RAD23B: variants seen among roughly 807,000 people sequenced by gnomAD.
RAD23B encodes the protein lysine-specific demethylase RAD23B.
Under a neutral mutation model 49.1 loss-of-function variants are expected in RAD23B, and 5 were observed. The observed-to-expected ratio is 0.10, with a 90% confidence interval of 0.05 to 0.21. RAD23B has a LOEUF of 0.21. Ranked by LOEUF, RAD23B falls within the 10% of genes least tolerant of loss-of-function variation. The pLI is 1.00. For missense variants in RAD23B, 356 were observed against 486.7 expected (o/e 0.73, Z 2.53); for synonymous variants, 184 against 165.4 (o/e 1.11, Z -0.86).
At chr9:107,322,364 T>C (rs574393903) in intron 7 of RAD23B, among the ~76,000 whole-genome samples, 6 of 152,344 alleles carry the variant, frequency 3.9e-5, no homozygotes, top group Non-Finnish European at 8.8e-5. Context: ...GTTTTATTTG[T>C]TTTAAGGAAA....
At chr9:107,287,074 CAAAAA>C (rs1227654857) in intron 1 of RAD23B, among the ~76,000 whole-genome samples, 2 of 94,240 alleles carry the variant, frequency 2.1e-5, no homozygotes, top group Non-Finnish European at 2.2e-5. Context: ...GACTCCGTCT[CAAAAA>C]AAAAAAAAAA....
In RAD23B at chr9:107,319,862, G is replaced by C. The variant is rs1827074671; in HGVS notation, c.681+983G>C. Among the ~76,000 whole-genome samples the C allele has an allele frequency of 2.0e-5, 3 of 152,290 alleles. No homozygotes were observed. In the South Asian group the frequency reaches 6.2e-4, roughly 32 times the overall value. On this transcript the variant is annotated intron_variant, in intron 6 of 9. Transcript: ENST00000358015. Reference sequence around the variant, plus strand: ...CTGCTAGTTTTACAGATGTGACACAGGCTAAAGTAATTGAATTAAGTTTTT... The same window carrying C: ...CTGCTAGTTTTACAGATGTGACACACGCTAAAGTAATTGAATTAAGTTTTT...
intron 1 of RAD23B, 136 bp downstream of exon 1, chr9:107,283,831 C>T (rs1033536837): frequency 1.2e-4 from 113 of 947,746 alleles, no homozygotes; most frequent in Non-Finnish European, 1.4e-4. Flanking sequence ...CTGGTGCCGG[C>T]CCTGGCGGCG....
At position 107,306,519 on chromosome 9, in the gene RAD23B, T is replaced by C. The variant is rs766993636; in HGVS notation, c.369T>C (p.Pro123=). 2 of 1,614,084 alleles carry C rather than the reference T, an allele frequency of 1.2e-6. No homozygotes were observed. Among genetic ancestry groups the C allele is most frequent in the Non-Finnish European group, 1.7e-6 (2 of 1,180,006 alleles). Residue 123 remains proline (P), a synonymous_variant, in exon 4 of 10, where the codon CCT becomes CCC. Coordinates refer to ENST00000358015, the MANE Select transcript of RAD23B (RefSeq NM_002874.5). ...CTGCCTTGGCCCCCACTTCCACACC[T>C]GCATCCATCACTCCAGCATCAGCGA... ...PVPALAPTST[P]ASITPASATA... is the part of the protein sequence containing the mutation.
intron 4 of RAD23B, among the ~76,000 whole-genome samples, chr9:107,309,249 C>A (rs1826842783): frequency 6.6e-6 from 1 of 152,134 alleles, no homozygotes; most frequent in African/African-American, 2.4e-5. Flanking sequence ...AACAAGCCCT[C>A]CTGGTGAATA....
intron 7 of RAD23B, 64 bp downstream of exon 7, chr9:107,322,182 C>T (rs1467338925): frequency 1.4e-6 from 2 of 1,471,268 alleles, no homozygotes; most frequent in African/African-American, 1.4e-5. Flanking sequence ...AATAATTTAA[C>T]CTGAAATACT....
chr9:107,325,084 G>A (rs749876451), intron 9 of RAD23B, 80 bp downstream of exon 9: 13 of 1,380,146 alleles, frequency 9.4e-6, no homozygotes, highest in Non-Finnish European at 1.3e-5. Context: ...GGAGGCCAAG[G>A]CAGGTGGATC....
chr9:107,303,692 C>CT (rs1826704704), intron 3 of RAD23B, among the ~76,000 whole-genome samples: 1 of 152,128 alleles, frequency 6.6e-6, no homozygotes. Context: ...GTTCATCTGT[C>CT]TATGTTATAG....
At chr9:107,286,778 A>G (rs1408639570) in intron 1 of RAD23B, among the ~76,000 whole-genome samples, 1 of 152,190 alleles carries the variant, frequency 6.6e-6, no homozygotes, top group African/African-American at 2.4e-5. Flanking sequence ...ATTCTTAAAA[A>G]TTCTGAAGTT....
intron 5 of RAD23B, among the ~76,000 whole-genome samples, chr9:107,316,102 G>A (rs1042452655): frequency 5.3e-5 from 8 of 151,174 alleles, no homozygotes; most frequent in Admixed American, 1.3e-4. Context: ...CTCCGCCTCC[G>A]GGGTTCAAGC....
chr9:107,302,224 A>G, intron 3 of RAD23B, 110 bp downstream of exon 3: 1 of 1,369,808 alleles, frequency 7.3e-7, no homozygotes. Flanking sequence ...AGTGGTGTAC[A>G]CTTAACTACT....
chr9:107,306,911 A>AT (rs71368010), intron 4 of RAD23B, among the ~76,000 whole-genome samples: 10 of 132,142 alleles, frequency 7.6e-5, no homozygotes, highest in Admixed American at 1.5e-4. Flanking sequence ...GGTGAAAGTC[A>AT]TTTTTTTTTT....
intron 5 of RAD23B, among the ~76,000 whole-genome samples, chr9:107,315,995 A>G (rs1327373530): frequency 4.0e-5 from 6 of 151,658 alleles, no homozygotes; most frequent in Non-Finnish European, 8.8e-5. Flanking sequence ...TCTCTGCACC[A>G]TGACTTAATA....
intron 5 of RAD23B, among the ~76,000 whole-genome samples, chr9:107,315,442 G>A (rs34593991): frequency 0.092 from 14,013 of 152,156 alleles, 835 homozygotes; most frequent in South Asian, 0.15. Context: ...CATATATAAG[G>A]TTCTTCATCA....
chr9:107,329,704 CTTG>C lies in RAD23B; in HGVS notation c.*51_*53del. On this transcript the variant is annotated 3_prime_UTR_variant, in exon 10 of 10. Coordinates refer to ENST00000358015, the MANE Select transcript of RAD23B (RefSeq NM_002874.5). Reference sequence around the variant, plus strand: ...ACTTCACACCAGTGCATTACACTAACTTGTTCACTGGATTGTCTGGGATGACTT... The same window carrying C: ...ACTTCACACCAGTGCATTACACTAACTTCACTGGATTGTCTGGGATGACTT... 1 of 1,096,090 alleles carries C rather than the reference CTTG, an allele frequency of 9.1e-7. No homozygotes were observed. Among genetic ancestry groups the C allele is most frequent in the South Asian group, 1.3e-5 (1 of 79,914 alleles). The allele number at this position is 1,096,090 out of a possible 1,614,324, so 67.9% of individuals were successfully genotyped here. A position where few individuals can be genotyped will look rare whatever the true frequency, so the allele number is the denominator to read the frequency against.
intron 4 of RAD23B, among the ~76,000 whole-genome samples, chr9:107,307,671 T>G (rs1826805568): frequency 6.6e-6 from 1 of 152,178 alleles, no homozygotes; most frequent in African/African-American, 2.4e-5. Context: ...TTGTGATCCT[T>G]CATTTTAGTG....
At chr9:107,284,851 G>T in intron 1 of RAD23B, 2 of 1,232,322 alleles carry the variant, frequency 1.6e-6, no homozygotes, top group Non-Finnish European at 2.2e-6. Flanking sequence ...GCAAATTACG[G>T]TTAGTTTCAT....
At chr9:107,298,343 T>C (rs1826576511) in intron 1 of RAD23B, among the ~76,000 whole-genome samples, 1 of 152,102 alleles carries the variant, frequency 6.6e-6, no homozygotes. Flanking sequence ...AGGCAGATTC[T>C]CACTCTGTCA....
chr9:107,283,772 C>G lies in RAD23B; in HGVS notation c.66+77C>G, dbSNP rs1398276429. On this transcript the variant is annotated intron_variant, in intron 1 of 9. Transcript: ENST00000358015. ...GCCAGGAGCTCGTGGGGCCGGGCGG[C>G]GCGCTCCAGCGGGGGAAGCCCCGGA... 4.0e-6 allele frequency: 5 copies of G among 1,249,844 alleles called. No homozygotes were observed. In the Middle Eastern group the frequency reaches 9.1e-4, roughly 228 times the overall value. 77.4% of individuals were successfully genotyped at this position (1,249,844 alleles called of 1,614,324 possible). A position where few individuals can be genotyped will look rare whatever the true frequency, so the allele number is the denominator to read the frequency against.
Sources: gnomAD v4.1 joint callset for allele counts (sites outside exome capture counted in the v4.1 genomes callset) on GRCh38, gnomAD v4.1.1 for gene constraint, MANE v1.5 for transcripts, NCBI Gene and HGNC (gene_info 2026-07-23, HGNC 2026-07-21) for gene names.